TBC1D1: variants seen among roughly 807,000 people sequenced by gnomAD.
TBC1D1 encodes TBC1 domain family member 1.
A neutral mutation model predicts 125.6 loss-of-function variants in TBC1D1; 89 were observed. That is an observed-to-expected ratio of 0.71 (90% CI 0.60 to 0.85). TBC1D1 has a LOEUF of 0.85. TBC1D1 is among the 40% of genes least tolerant of loss of function. The pLI is 0.00. For synonymous variants in TBC1D1, 565 were observed against 564.1 expected (o/e 1.00, Z -0.02); for missense variants, 1,377 against 1,469.2 (o/e 0.94, Z 1.03).
chr4:38,118,798 C>G (rs1043403173), intron 17 of TBC1D1, among the ~76,000 whole-genome samples: 1 of 152,224 alleles, frequency 6.6e-6, no homozygotes, highest in Non-Finnish European at 1.5e-5. Flanking sequence ...ACTCCCGTGC[C>G]CCCGCTGTTA....
Position 38,137,515 on chromosome 4 carries a change from T to G in TBC1D1, c.*180T>G, listed in dbSNP as rs1578897726. 1 of 866,052 alleles carries G rather than the reference T, an allele frequency of 1.2e-6. No individual in the cohort carries two copies. The highest frequency in any genetic ancestry group is 1.6e-6 in the Non-Finnish European group (1 of 642,476). The allele number at this position is 866,052 out of a possible 1,614,324, so 53.6% of individuals were successfully genotyped here. A position where few individuals can be genotyped will look rare whatever the true frequency, so the allele number is the denominator to read the frequency against. On this transcript the variant is annotated 3_prime_UTR_variant, in exon 20 of 20. Transcript: ENST00000261439. ...GCAATTCAGGGGGCATGTCCCAGTG[T>G]TTTTTTTGTTGTTTTTAGATACTAA...
intron 19 of TBC1D1, among the ~76,000 whole-genome samples, chr4:38,134,510 G>GA (rs770267605): frequency 2.0e-5 from 3 of 152,226 alleles, no homozygotes; most frequent in Non-Finnish European, 4.4e-5. Context: ...AGCCTGTCTG[G>GA]CCTGTAGGGG....
Position 38,052,071 on chromosome 4 carries a change from T to C in TBC1D1, c.1911-2128T>C. ...TGCTGTGCCAAAGAGGTGAGCACAC[T>C]CACGTGGCAAGTTTGGTGTTGTCTG... On this transcript the variant is annotated intron_variant, in intron 11 of 19. Transcript: ENST00000261439. 1 of 1,550,820 alleles carries C rather than the reference T, an allele frequency of 6.4e-7. No homozygotes were observed. The highest frequency in any genetic ancestry group is 8.7e-7 in the Non-Finnish European group (1 of 1,146,932).
At chr4:38,069,363 C>T (rs80335740) in intron 12 of TBC1D1, among the ~76,000 whole-genome samples, 11,764 of 152,268 alleles carry the variant, frequency 0.077, 589 homozygotes, top group South Asian at 0.12. Flanking sequence ...TACCTGTAGG[C>T]GGTGCTCTGG....
chr4:38,127,073 T>C (rs1764776688), intron 18 of TBC1D1, among the ~76,000 whole-genome samples: 1 of 151,836 alleles, frequency 6.6e-6, no homozygotes, highest in African/African-American at 2.4e-5. Flanking sequence ...CCGAGAGCCT[T>C]GGTTACCTAG....
chr4:38,080,275 A>G (rs891057691), intron 12 of TBC1D1, among the ~76,000 whole-genome samples: 3 of 146,660 alleles, frequency 2.0e-5, no homozygotes, highest in Non-Finnish European at 4.5e-5. Context: ...GTAAACGACC[A>G]ATGTTGGGTG....
intron 2 of TBC1D1, among the ~76,000 whole-genome samples, chr4:37,982,694 C>G (rs1173843639): frequency 5.9e-5 from 9 of 152,146 alleles, no homozygotes; most frequent in Non-Finnish European, 1.3e-4. Context: ...GAACACAGCC[C>G]AGAGCAATGC....
At chr4:38,062,330 C>A (rs1752920792) in intron 12 of TBC1D1, among the ~76,000 whole-genome samples, 1 of 151,220 alleles carries the variant, frequency 6.6e-6, no homozygotes, top group Non-Finnish European at 1.5e-5. Context: ...ATATTCCTTG[C>A]TCATTTGCAA....
At chr4:38,006,815 C>T in intron 2 of TBC1D1, 1 of 514,958 alleles carries the variant, frequency 1.9e-6, no homozygotes, top group Non-Finnish European at 3.9e-6. Context: ...TTTCCCCTCT[C>T]CTTTCTTTGG....
intron 6 of TBC1D1, among the ~76,000 whole-genome samples, chr4:38,022,025 G>T (rs1744148403): frequency 1.3e-5 from 2 of 152,228 alleles, no homozygotes; most frequent in Non-Finnish European, 2.9e-5. Flanking sequence ...TCAAGGTTGT[G>T]TGAGTGGTCA....
intron 2 of TBC1D1, among the ~76,000 whole-genome samples, chr4:37,947,029 G>C (rs998164925): frequency 6.6e-6 from 1 of 152,328 alleles, no homozygotes; most frequent in East Asian, 1.9e-4. Flanking sequence ...GGGATGGACG[G>C]ATGATGAACA....
chr4:37,992,216 A>C (rs1017353047), intron 2 of TBC1D1, among the ~76,000 whole-genome samples: 7 of 152,264 alleles, frequency 4.6e-5, no homozygotes, highest in Admixed American at 1.3e-4. Flanking sequence ...GAGATGCCAG[A>C]GGCGGCAGAG....
At chr4:37,987,706 A>T (rs1394111603) in intron 2 of TBC1D1, among the ~76,000 whole-genome samples, 1 of 152,214 alleles carries the variant, frequency 6.6e-6, no homozygotes, top group Non-Finnish European at 1.5e-5. Context: ...GAAGGTGAAG[A>T]TTGGGAGGAG....
chr4:38,057,794 G>A (rs1364067990), intron 12 of TBC1D1, among the ~76,000 whole-genome samples: 1 of 152,200 alleles, frequency 6.6e-6, no homozygotes, highest in African/African-American at 2.4e-5. Context: ...GTGGAGGCTG[G>A]GAGTGGCTTA....
chr4:38,044,391 A>C lies in TBC1D1; in HGVS notation c.1443A>C (p.Gly481=). The change falls in exon 9 of 20, where the codon GGA becomes GGC. Residue 481 remains glycine (G), a synonymous_variant. Transcript: ENST00000261439. ...CGCAGATGGCAGCAGAGAATATTGG[A>C]AGTGAATTACCACCCAGTGCCACTC... The C allele has an allele frequency of 6.2e-7, 1 of 1,610,208 alleles. No individual in the cohort carries two copies. The highest frequency in any genetic ancestry group is 8.5e-7 in the Non-Finnish European group (1 of 1,179,176).
intron 18 of TBC1D1, among the ~76,000 whole-genome samples, chr4:38,130,483 TC>T (rs1765403175): frequency 6.6e-6 from 1 of 152,160 alleles, no homozygotes; most frequent in African/African-American, 2.4e-5. Context: ...GTACCAAAAT[TC>T]TGGAACTTGA....
rs765978359 is a variant in TBC1D1 at position 38,049,946 on chromosome 4, G to T, written c.1910+48G>T. 4.5e-5 allele frequency: 71 copies of T among 1,563,522 alleles called. No homozygotes were observed. In the South Asian group the frequency reaches 5.6e-4, roughly 12 times the overall value. On this transcript the variant is annotated intron_variant, in intron 11 of 19. Coordinates refer to ENST00000261439, the MANE Select transcript of TBC1D1 (RefSeq NM_015173.4). ...GCATAAATAGCTGGGGCATATCTGTGACTAGCCAGGTATGTGCATCCCAGG... is the reference window on the plus strand; with the variant it reads ...GCATAAATAGCTGGGGCATATCTGTTACTAGCCAGGTATGTGCATCCCAGG...
At chr4:38,031,888 GATTA>G (rs1350720540) in intron 7 of TBC1D1, among the ~76,000 whole-genome samples, 5 of 152,176 alleles carry the variant, frequency 3.3e-5, no homozygotes, top group African/African-American at 4.8e-5. Flanking sequence ...TTTAACAGGC[GATTA>G]ATTATTTTGT....
At chr4:37,900,191 A>G (rs1288489557) in intron 1 of TBC1D1, among the ~76,000 whole-genome samples, 2 of 152,084 alleles carry the variant, frequency 1.3e-5, no homozygotes, top group Non-Finnish European at 2.9e-5. Context: ...AGAGCAAACA[A>G]GGCAGTCAGG....
Sources: allele counts gnomAD v4.1 joint callset (sites outside exome capture counted in the v4.1 genomes callset), GRCh38; gene constraint gnomAD v4.1.1; transcripts MANE v1.5; gene names NCBI Gene and HGNC (gene_info 2026-07-23, HGNC 2026-07-21).